The following TAOK1 variants were observed in gnomAD, a reference collection of about 807,000 sequenced individuals.
TAOK1 encodes TAO kinase 1.
Under a neutral mutation model 138.3 loss-of-function variants are expected in TAOK1, and 21 were observed. The ratio of observed to expected loss-of-function variants is 0.15; its 90% confidence interval spans 0.11 to 0.22. The LOEUF is 0.22. Among genes scored for constraint, TAOK1 ranks in the 10% least tolerant of loss-of-function variants. The pLI is 1.00. For missense variants in TAOK1, 651 were observed against 1,227.7 expected, an observed-to-expected ratio of 0.53 and a Z score of 7.02; for synonymous variants, 361 against 398.4, an observed-to-expected ratio of 0.91 and a Z score of 1.12.
At chr17:29,507,278 T>G (rs569986150) in intron 13 of TAOK1, among the ~76,000 whole-genome samples, 8 of 152,006 alleles carry the variant, frequency 5.3e-5, no homozygotes, top group African/African-American at 1.9e-4. Flanking sequence ...TTTTGTTTTT[T>G]TTTTTCTTTG....
chr17:29,415,605 A>G (rs1905248803), intron 1 of TAOK1, among the ~76,000 whole-genome samples: 2 of 152,220 alleles, frequency 1.3e-5, no homozygotes, highest in Admixed American at 1.3e-4. Context: ...GATGTTGAGC[A>G]TCTTTTCGTG....
rs757593725 is a variant in TAOK1, at chr17:29,478,363, AT to A, written c.449+18del. ...TGATTCATAGGTAAGTGCTTTGGAA[AT>A]TATATATTGATAAGTAAATGGCTTG... On this transcript the variant is annotated intron_variant, in intron 6 of 19. Coordinates refer to ENST00000261716, the MANE Select transcript of TAOK1 (RefSeq NM_020791.4). The A allele has an allele frequency of 2.0e-6, 3 of 1,523,730 alleles. No homozygotes were observed. The highest frequency in any genetic ancestry group is 2.6e-6 in the Non-Finnish European group (3 of 1,132,676). 94.4% of individuals were successfully genotyped at this position (1,523,730 alleles called of 1,614,324 possible). A position where few individuals can be genotyped will look rare whatever the true frequency, so the allele number is the denominator to read the frequency against.
intron 8 of TAOK1, among the ~76,000 whole-genome samples, chr17:29,489,352 A>G (rs1396710170): frequency 6.6e-6 from 1 of 151,976 alleles, no homozygotes; most frequent in African/African-American, 2.4e-5. Context: ...ACAAAACTTA[A>G]TTGGGCATGG....
chr17:29,538,130 A>C (rs921981335), intron 19 of TAOK1, among the ~76,000 whole-genome samples: 1 of 148,338 alleles, frequency 6.7e-6, no homozygotes, highest in Non-Finnish European at 1.5e-5. Flanking sequence ...AAAAAAAAAA[A>C]GGTAAACATG....
chr17:29,439,953 A>G (rs905663797), intron 1 of TAOK1, among the ~76,000 whole-genome samples: 2 of 151,672 alleles, frequency 1.3e-5, no homozygotes, highest in African/African-American at 4.8e-5. Context: ...TGACAGTCCT[A>G]CTTCCGAAAC....
chr17:29,394,149 A>ATTTTT (rs1904513374), intron 1 of TAOK1, among the ~76,000 whole-genome samples: 6 of 56,436 alleles, frequency 1.1e-4, no homozygotes, highest in Admixed American at 4.1e-4. Flanking sequence ...ATAATTTGCC[A>ATTTTT]GTTTTTTTTT....
At chr17:29,522,812 C>T (rs1304787437) in intron 17 of TAOK1, among the ~76,000 whole-genome samples, 1 of 152,070 alleles carries the variant, frequency 6.6e-6, no homozygotes, top group Non-Finnish European at 1.5e-5. Flanking sequence ...CAGTGGCTCA[C>T]GCCTGTAATC....
intron 13 of TAOK1, among the ~76,000 whole-genome samples, 159 bp downstream of exon 13, chr17:29,502,882 G>T (rs1416052687): frequency 6.6e-6 from 1 of 152,060 alleles, no homozygotes; most frequent in Non-Finnish European, 1.5e-5. Flanking sequence ...GTTATTCAAA[G>T]AACTCTGAGA....
rs1452440061 is a variant in TAOK1, at chr17:29,548,682, CT to C, written c.*5662del. Reference sequence around the variant, plus strand: ...TTTCTTTCACTCAAAGTGTTCAGCACTTGTGAGTGAAAAATCATGTAATTAT... The same window carrying C: ...TTTCTTTCACTCAAAGTGTTCAGCACTGTGAGTGAAAAATCATGTAATTAT... On this transcript the variant is annotated 3_prime_UTR_variant, in exon 20 of 20. Transcript: ENST00000261716. The C allele has an allele frequency of 6.6e-6, 1 of 152,088 alleles. No individual in the cohort carries two copies. The highest frequency in any genetic ancestry group is 2.4e-5 in the African/African-American group (1 of 41,420). 9.4% of individuals were successfully genotyped at this position (152,088 alleles called of 1,614,324 possible).
At chr17:29,498,861 G>A (rs1168594691) in intron 12 of TAOK1, among the ~76,000 whole-genome samples, 1 of 152,020 alleles carries the variant, frequency 6.6e-6, no homozygotes, top group African/African-American at 2.4e-5. Flanking sequence ...GGGAGGTGGA[G>A]GTTGCAGTGA....
At chr17:29,513,596 G>A (rs2031762433) in intron 15 of TAOK1, 2 of 152,128 alleles carry the variant, frequency 1.3e-5, no homozygotes, top group Admixed American at 1.3e-4. Context: ...AGAGAGGAAG[G>A]GACATATCAG....
chr17:29,439,612 T>A (rs970234447), intron 1 of TAOK1, among the ~76,000 whole-genome samples: 4 of 152,128 alleles, frequency 2.6e-5, no homozygotes, highest in Non-Finnish European at 5.9e-5. Flanking sequence ...CAGTTACCTG[T>A]GTATTTTTTT....
intron 1 of TAOK1, among the ~76,000 whole-genome samples, chr17:29,450,678 A>T (rs745350973): frequency 2.6e-5 from 4 of 152,022 alleles, no homozygotes; most frequent in Non-Finnish European, 5.9e-5. Context: ...CTCTTGGCTA[A>T]TTTTTTAAAT....
chr17:29,513,241 C>T (rs1403141535), intron 15 of TAOK1: 2 of 152,022 alleles, frequency 1.3e-5, no homozygotes, highest in African/African-American at 4.8e-5. Context: ...ATTGGTGGCA[C>T]AAAGACTTGC....
At chr17:29,397,653 T>TGATACATGTATACATGTAC (rs1281910310) in intron 1 of TAOK1, among the ~76,000 whole-genome samples, 1 of 131,386 alleles carries the variant, frequency 7.6e-6, no homozygotes, top group Non-Finnish European at 1.6e-5. Context: ...TATATATGTA[T>TGATACATGTATACATGTAC]ATTCATGTAT....
chr17:29,447,669 T>TTTA lies in TAOK1; in HGVS notation c.-94-3784_-94-3783insATT, dbSNP rs2030123858. Among the ~76,000 whole-genome samples the TTTA allele has an allele frequency of 3.3e-5, 5 of 151,280 alleles. No individual in the cohort carries two copies. In the South Asian group the frequency reaches 1.0e-3, roughly 32 times the overall value. On this transcript the variant is annotated intron_variant, in intron 1 of 19. Coordinates refer to ENST00000261716, the MANE Select transcript of TAOK1 (RefSeq NM_020791.4). ...ATTTTATTTTATTTTATTTTTTTTT[T>TTTA]TTTTTGAGACAGAGTGTCGCTATGT...
chr17:29,403,199 A>AT (rs1201680333), intron 1 of TAOK1, among the ~76,000 whole-genome samples: 1 of 150,100 alleles, frequency 6.7e-6, no homozygotes, highest in African/African-American at 2.5e-5. Flanking sequence ...GTGTGCTGCA[A>AT]TGTGTTACAT....
chr17:29,477,222 C>T lies in TAOK1; in HGVS notation c.307-439C>T, dbSNP rs1214742153. Among the ~76,000 whole-genome samples, 5 of 152,192 alleles carry T rather than the reference C, an allele frequency of 3.3e-5. No individual in the cohort carries two copies. In the East Asian group the frequency reaches 9.6e-4, roughly 29 times the overall value. On this transcript the variant is annotated intron_variant, in intron 4 of 19. Coordinates refer to ENST00000261716, the MANE Select transcript of TAOK1 (RefSeq NM_020791.4). ...ATCTAGAACCCACAGATGTGAAGGG[C>T]TGACTATACATATAATTCTAGAGAA...
chr17:29,518,067 G>C (rs2031849483), intron 16 of TAOK1, among the ~76,000 whole-genome samples: 1 of 152,136 alleles, frequency 6.6e-6, no homozygotes, highest in Non-Finnish European at 1.5e-5. Flanking sequence ...TGTTGGCCAG[G>C]CTGTTCTTGA....
Sources: gnomAD v4.1 joint callset for allele counts (sites outside exome capture counted in the v4.1 genomes callset) on GRCh38, gnomAD v4.1.1 for gene constraint, MANE v1.5 for transcripts, NCBI Gene and HGNC (gene_info 2026-07-23, HGNC 2026-07-21) for gene names.